H3-7: variants seen among roughly 807,000 people sequenced by gnomAD.
The protein encoded by H3-7 is histone H3-7.
chr1:143,904,666 G>A, the H3-7 span: 5 of 1,518,554 alleles, frequency 3.3e-6, no homozygotes, highest in Non-Finnish European at 4.5e-6. Flanking sequence ...AAAACGGGCT[G>A]GTTATGCGCT....
chr1:143,903,855 C>T, the H3-7 span, among the ~76,000 whole-genome samples: 1 of 137,614 alleles, frequency 7.3e-6, no homozygotes, highest in Non-Finnish European at 1.6e-5. Flanking sequence ...CTTTCAGAAA[C>T]AAAAAGGAAA....
At chr1:143,905,595 G>A in the H3-7 span, 10 of 1,582,124 alleles carry the variant, frequency 6.3e-6, 2 homozygotes, top group African/African-American at 5.4e-5. Flanking sequence ...CCAACTGGAT[G>A]TCCTTGGGCA....
the H3-7 span, among the ~76,000 whole-genome samples, chr1:143,902,911 G>A: frequency 2.1e-5 from 3 of 143,486 alleles, no homozygotes; most frequent in East Asian, 4.2e-4. Context: ...ACAAGCGCAA[G>A]GCCGGGCGCG....
chr1:143,904,489 A>C, the H3-7 span: 1 of 1,603,566 alleles, frequency 6.2e-7, no homozygotes, highest in South Asian at 1.1e-5. Context: ...ACGTAAACGG[A>C]GTAGCTCTCC....
the H3-7 span, chr1:143,904,391 G>A: frequency 1.1e-5 from 18 of 1,582,916 alleles, 1 homozygote; most frequent in East Asian, 2.3e-5. Flanking sequence ...CGATGCGCTC[G>A]AAGATGTCGT....
chr1:143,903,271 G>A, the H3-7 span, among the ~76,000 whole-genome samples: 4 of 112,800 alleles, frequency 3.5e-5, no homozygotes, highest in Admixed American at 1.8e-4. Context: ...TCTTGTCCTG[G>A]AGGAAGTATT....
chr1:143,904,382 G>T, the H3-7 span: 20 of 1,582,704 alleles, frequency 1.3e-5, 2 homozygotes, highest in East Asian at 9.1e-5. Context: ...CCTCTCCCGC[G>T]ATGCGCTCGA....
the H3-7 span, chr1:143,905,640 G>C: frequency 2.0e-5 from 31 of 1,582,742 alleles, no homozygotes; most frequent in Admixed American, 4.4e-4. Flanking sequence ...TGGCGCACAG[G>C]TTCGTGTCTT....
chr1:143,904,277 C>T, the H3-7 span: 5 of 1,586,356 alleles, frequency 3.2e-6, no homozygotes, highest in Non-Finnish European at 4.3e-6. Flanking sequence ...ACACGGCGTG[C>T]TTGGCCAGCT....
the H3-7 span, chr1:143,905,681 C>T: frequency 6.3e-7 from 1 of 1,583,014 alleles, no homozygotes; most frequent in African/African-American, 1.3e-5. Flanking sequence ...GCCTCTCTGG[C>T]CTCCTGCAGC....
chr1:143,903,685 C>A, the H3-7 span, among the ~76,000 whole-genome samples: 8,096 of 48,206 alleles, frequency 0.17, 820 homozygotes, highest in South Asian at 0.27. Context: ...TCAGGACTTG[C>A]AAAAAGGCTA....
the H3-7 span, chr1:143,904,328 G>A: frequency 2.5e-6 from 4 of 1,582,464 alleles, 1 homozygote; most frequent in Non-Finnish European, 2.6e-6. Flanking sequence ...GGATCTCGCG[G>A]GACGTGATGG....
the H3-7 span, chr1:143,904,462 G>A: frequency 6.3e-7 from 1 of 1,595,348 alleles, no homozygotes; most frequent in South Asian, 1.1e-5. Context: ...GGGTGGACCT[G>A]CTTCAGCACC....
the H3-7 span, chr1:143,905,935 G>A: frequency 3.2e-6 from 5 of 1,580,162 alleles, 1 homozygote; most frequent in Non-Finnish European, 4.3e-6. Flanking sequence ...GCCGCCGGTC[G>A]ACTTGCGGGC....
chr1:143,904,501 T>C, the H3-7 span: 2 of 1,605,066 alleles, frequency 1.2e-6, no homozygotes, highest in South Asian at 2.2e-5. Flanking sequence ...TAGCTCTCCT[T>C]GCGGCTGCGC....
chr1:143,905,702 C>A, the H3-7 span: 1 of 1,582,760 alleles, frequency 6.3e-7, no homozygotes, highest in Non-Finnish European at 8.7e-7. Context: ...GCCATCACGG[C>A]CGAGCTCTGG....
At chr1:143,905,733 C>G in the H3-7 span, 7,736 of 1,572,630 alleles carry the variant, frequency 4.9e-3, 1,001 homozygotes, top group African/African-American at 0.055. Context: ...CCGTCTTAAA[C>G]TCCTGCGCGA....
the H3-7 span, chr1:143,905,807 G>A: frequency 6.3e-7 from 1 of 1,582,188 alleles, no homozygotes; most frequent in South Asian, 1.1e-5. Context: ...TTCTGATAGC[G>A]CCGGATCTCC....
chr1:143,905,594 T>C, the H3-7 span: 1 of 1,582,216 alleles, frequency 6.3e-7, no homozygotes, highest in Admixed American at 1.7e-5. Context: ...ACCAACTGGA[T>C]GTCCTTGGGC....
Sources: allele counts gnomAD v4.1 joint callset (sites outside exome capture counted in the v4.1 genomes callset), GRCh38; gene constraint gnomAD v4.1.1; transcripts MANE v1.5; gene names NCBI Gene and HGNC (gene_info 2026-07-23, HGNC 2026-07-21).